CDC42SE2: variants seen among roughly 807,000 people sequenced by gnomAD.
CDC42SE2 encodes CDC42 small effector protein 2.
A neutral mutation model predicts 11.5 loss-of-function variants in CDC42SE2; 3 were observed. That is an observed-to-expected ratio of 0.26 (90% CI 0.12 to 0.67). The LOEUF (loss-of-function observed/expected upper bound fraction) is 0.67, where lower values mean the gene tolerates loss of function less well. CDC42SE2 is among the 30% of genes least tolerant of loss of function. The pLI is 0.80. For synonymous variants in CDC42SE2, 33 were observed against 34.8 expected (o/e 0.95, Z 0.18); for missense variants, 82 against 106.8 (o/e 0.77, Z 1.02).
chr5:131,225,687 T>G, the CDC42SE2 span, among the ~76,000 whole-genome samples: 1 of 152,198 alleles, frequency 6.6e-6, no homozygotes, highest in Non-Finnish European at 1.5e-5. Flanking sequence ...ATGAAGAACC[T>G]GGAAGAGTGA....
chr5:131,342,925 C>T (rs961851795), intron 2 of CDC42SE2, among the ~76,000 whole-genome samples: 8 of 152,074 alleles, frequency 5.3e-5, no homozygotes. Flanking sequence ...GTTGGCCAGG[C>T]TGGTCTTAAA....
intron 4 of CDC42SE2, among the ~76,000 whole-genome samples, chr5:131,388,505 T>C (rs1304192800): frequency 6.6e-6 from 1 of 152,252 alleles, no homozygotes; most frequent in Non-Finnish European, 1.5e-5. Flanking sequence ...TATTATTGAA[T>C]GGTTAGATGA....
chr5:131,309,755 T>C (rs1006041480), intron 1 of CDC42SE2, among the ~76,000 whole-genome samples: 52 of 152,196 alleles, frequency 3.4e-4, no homozygotes, highest in Non-Finnish European at 4.3e-4. Context: ...TAGTATTCTC[T>C]GATGGTAGTT....
At chr5:131,302,459 G>A (rs1430463643) in intron 1 of CDC42SE2, among the ~76,000 whole-genome samples, 1 of 152,150 alleles carries the variant, frequency 6.6e-6, no homozygotes, top group African/African-American at 2.4e-5. Flanking sequence ...GATTACAGGT[G>A]TGAGCCACCG....
At chr5:131,212,355 G>A in the CDC42SE2 span, among the ~76,000 whole-genome samples, 5 of 152,190 alleles carry the variant, frequency 3.3e-5, no homozygotes, top group South Asian at 2.1e-4. Context: ...TGATCCATCC[G>A]CCTTGGCCTC....
Position 131,363,695 on chromosome 5 carries a change from CT to C in CDC42SE2, c.54+4166del, listed in dbSNP as rs34261669. ...CCCGGCCTTTTTTTTTTCTCTTACT[CT>C]TTTTTTTTTTTTTTTTTGAGAAGGA... On this transcript the variant is annotated intron_variant, in intron 3 of 4. Coordinates refer to ENST00000505065, the MANE Select transcript of CDC42SE2 (RefSeq NM_001375635.1). 9.3e-3 allele frequency among the ~76,000 whole-genome samples: 1,087 copies of C among 117,328 alleles called. 11 individuals carry two copies. Among genetic ancestry groups the C allele is most frequent in the African/African-American group, 0.033 (962 of 29,500 alleles). 77.0% of individuals were successfully genotyped at this position (117,328 alleles called of 152,430 possible).
intron 2 of CDC42SE2, among the ~76,000 whole-genome samples, chr5:131,323,400 C>T (rs1758233932): frequency 6.6e-6 from 1 of 151,860 alleles, no homozygotes; most frequent in African/African-American, 2.4e-5. Flanking sequence ...TTATGAAGTA[C>T]ATTTAAGTTA....
chr5:131,332,795 G>A (rs1275982295), intron 2 of CDC42SE2, among the ~76,000 whole-genome samples: 3 of 152,072 alleles, frequency 2.0e-5, no homozygotes, highest in Admixed American at 6.5e-5. Flanking sequence ...CATATCCTTT[G>A]CCCACTTTTT....
chr5:131,298,945 G>C (rs1757627614), intron 1 of CDC42SE2, among the ~76,000 whole-genome samples: 1 of 152,162 alleles, frequency 6.6e-6, no homozygotes. Flanking sequence ...AAGAGGGCCT[G>C]AATAGACTTG....
chr5:131,233,074 G>T, the CDC42SE2 span, among the ~76,000 whole-genome samples: 2 of 151,876 alleles, frequency 1.3e-5, no homozygotes, highest in African/African-American at 4.8e-5. Context: ...TCCCACCAAA[G>T]GTAATGTGTG....
chr5:131,292,925 A>AC (rs1757491855), intron 1 of CDC42SE2, among the ~76,000 whole-genome samples: 2 of 150,770 alleles, frequency 1.3e-5, no homozygotes, highest in African/African-American at 2.4e-5. Flanking sequence ...AAAAAAAAAA[A>AC]AAAAAAAAAC....
intron 2 of CDC42SE2, among the ~76,000 whole-genome samples, chr5:131,318,505 A>C (rs1376180964): frequency 6.6e-6 from 1 of 152,178 alleles, no homozygotes; most frequent in Non-Finnish European, 1.5e-5. Context: ...ACTTATTTTT[A>C]TGAATTTCAA....
At position 131,393,866 on chromosome 5, in the gene CDC42SE2, G is replaced by A. The variant is rs1020090533; in HGVS notation, c.*2775G>A. 1.9e-4 allele frequency: 23 copies of A among 123,522 alleles called. No individual in the cohort carries two copies. Among genetic ancestry groups the A allele is most frequent in the Non-Finnish European group, 3.0e-4 (19 of 64,046 alleles). The allele number at this position is 123,522 out of a possible 1,614,324, so 7.7% of individuals were successfully genotyped here. On this transcript the variant is annotated 3_prime_UTR_variant, in exon 5 of 5. Coordinates refer to ENST00000505065, the MANE Select transcript of CDC42SE2 (RefSeq NM_001375635.1). ...TTTGCTGCTCCAACGACCAGCATGTGTTGGAGCAGATCTCCATGGTAAGCC... is the reference window on the plus strand; with the variant it reads ...TTTGCTGCTCCAACGACCAGCATGTATTGGAGCAGATCTCCATGGTAAGCC...
intron 1 of CDC42SE2, among the ~76,000 whole-genome samples, chr5:131,303,736 G>T (rs772191518): frequency 2.0e-5 from 3 of 152,200 alleles, no homozygotes; most frequent in African/African-American, 7.2e-5. Flanking sequence ...AGAACATACA[G>T]CCTGTACTCA....
chr5:131,392,481 A>G lies in CDC42SE2; in HGVS notation c.*1390A>G, dbSNP rs1257246423. 1 of 152,532 alleles carries G rather than the reference A, an allele frequency of 6.6e-6. No individual in the cohort carries two copies. Among genetic ancestry groups the G allele is most frequent in the Non-Finnish European group, 1.5e-5 (1 of 68,032 alleles). 9.4% of individuals were successfully genotyped at this position (152,532 alleles called of 1,614,324 possible). On this transcript the variant is annotated 3_prime_UTR_variant, in exon 5 of 5. Coordinates refer to ENST00000505065, the MANE Select transcript of CDC42SE2 (RefSeq NM_001375635.1). ...AGTCACATCATTTTCATAGAAAAAGATTACTTGTAGCTTATTTTAGAAGTA... is the reference window on the plus strand; with the variant it reads ...AGTCACATCATTTTCATAGAAAAAGGTTACTTGTAGCTTATTTTAGAAGTA...
chr5:131,245,266 G>A (rs1756571878), upstream of CDC42SE2, among the ~76,000 whole-genome samples: 1 of 152,104 alleles, frequency 6.6e-6, no homozygotes, highest in Admixed American at 6.5e-5. Context: ...TTTTTAGTCT[G>A]TGCTGTGCCT....
intron 2 of CDC42SE2, among the ~76,000 whole-genome samples, chr5:131,353,752 T>C (rs1177417912): frequency 6.6e-6 from 1 of 151,224 alleles, no homozygotes; most frequent in African/African-American, 2.4e-5. Context: ...CTAAAAAAAA[T>C]ACAAAAATTA....
Position 131,366,921 on chromosome 5 carries a change from G to A in CDC42SE2, c.54+7374G>A, listed in dbSNP as rs939272734. Among the ~76,000 whole-genome samples the A allele has an allele frequency of 2.6e-5, 4 of 151,912 alleles. No individual in the cohort carries two copies. The East Asian group carries it at 5.8e-4, about 22-fold the overall frequency. On this transcript the variant is annotated intron_variant, in intron 3 of 4. Transcript: ENST00000505065. Reference sequence around the variant, plus strand: ...TGTGTGCCTGTAGGCCCAGCTACTCGGGAGGCTGAGGTAGGAGGATTGCTT... The same window carrying A: ...TGTGTGCCTGTAGGCCCAGCTACTCAGGAGGCTGAGGTAGGAGGATTGCTT...
Position 131,342,205 on chromosome 5 carries a change from G to C in CDC42SE2, c.-285-17004G>C, listed in dbSNP as rs534418388. On this transcript the variant is annotated intron_variant, in intron 2 of 4. Coordinates refer to ENST00000505065, the MANE Select transcript of CDC42SE2 (RefSeq NM_001375635.1). Reference sequence around the variant, plus strand: ...TGAGGCAGGATAATCACTTGAACTGGGGGGGTGGAGGTTGCAGTGAGTTGA... The same window carrying C: ...TGAGGCAGGATAATCACTTGAACTGCGGGGGTGGAGGTTGCAGTGAGTTGA... Among the ~76,000 whole-genome samples the C allele has an allele frequency of 5.4e-5, 8 of 147,520 alleles. No individual in the cohort carries two copies. In the East Asian group the frequency reaches 1.5e-3, roughly 28 times the overall value.
Sources: gnomAD v4.1 joint callset for allele counts (sites outside exome capture counted in the v4.1 genomes callset) on GRCh38, gnomAD v4.1.1 for gene constraint, MANE v1.5 for transcripts, NCBI Gene and HGNC (gene_info 2026-07-23, HGNC 2026-07-21) for gene names.